AKAP13: variants seen among roughly 807,000 people sequenced by gnomAD.
AKAP13 encodes A-kinase anchor protein 13.
In AKAP13, 80 loss-of-function variants were observed where a neutral mutation model predicts 264.5. The ratio of observed to expected loss-of-function variants is 0.30; its 90% confidence interval spans 0.25 to 0.36. The LOEUF (loss-of-function observed/expected upper bound fraction) is 0.36. Ranked by LOEUF, AKAP13 falls within the 10% of genes least tolerant of loss-of-function variation. The probability of loss-of-function intolerance (pLI) is 1.00; values close to 1 mark genes in which losing one functional copy is unlikely to be tolerated. For missense variants in AKAP13, 3,712 were observed against 3,435.2 expected (o/e 1.08, Z -2.01); for synonymous variants, 1,380 against 1,250.2 (o/e 1.10, Z -2.19).
intron 30 of AKAP13, among the ~76,000 whole-genome samples, chr15:85,732,483 T>C (rs1472836484): frequency 6.7e-6 from 1 of 149,838 alleles, no homozygotes; most frequent in Non-Finnish European, 1.5e-5. Flanking sequence ...ATGTTTTACA[T>C]CATATATAAT....
chr15:85,696,817 G>A (rs2085589178), intron 17 of AKAP13, among the ~76,000 whole-genome samples: 2 of 152,198 alleles, frequency 1.3e-5, no homozygotes, highest in Admixed American at 1.3e-4. Flanking sequence ...AAGATATGCG[G>A]CCTCAGGGTA....
intron 1 of AKAP13, among the ~76,000 whole-genome samples, chr15:85,477,052 C>T (rs1430670945): frequency 6.6e-6 from 1 of 151,974 alleles, no homozygotes; most frequent in Non-Finnish European, 1.5e-5. Context: ...TATGTTTATG[C>T]TTTTCTCTCC....
At chr15:85,677,706 C>T (rs1464732593) in intron 14 of AKAP13, among the ~76,000 whole-genome samples, 31 of 148,902 alleles carry the variant, frequency 2.1e-4, no homozygotes, top group Non-Finnish European at 3.1e-4. Context: ...GGCTGGAGTG[C>T]AGTGGCGCGA....
At chr15:85,510,381 T>G (rs2076377943) in intron 2 of AKAP13, among the ~76,000 whole-genome samples, 1 of 152,222 alleles carries the variant, frequency 6.6e-6, no homozygotes, top group African/African-American at 2.4e-5. Flanking sequence ...AATATAGCAT[T>G]TGTTATATTA....
At chr15:85,699,997 C>T (rs2085817315) in intron 17 of AKAP13, among the ~76,000 whole-genome samples, 1 of 152,178 alleles carries the variant, frequency 6.6e-6, no homozygotes. Flanking sequence ...AGTGGCTGTA[C>T]CTTTCCATGA....
chr15:85,585,660 C>A (rs780300692), intron 7 of AKAP13, 42 bp from the exon 8 acceptor site: 1 of 1,612,148 alleles, frequency 6.2e-7, no homozygotes. Context: ...GCACAGGAAT[C>A]AGTTTTTAAA....
chr15:85,584,177 A>G (rs12906184), intron 7 of AKAP13, among the ~76,000 whole-genome samples: 93,238 of 152,004 alleles, frequency 0.61, 28,772 homozygotes, highest in Middle Eastern at 0.72. Flanking sequence ...GTGAGAAGAC[A>G]TAGGTTTAAC....
chr15:85,722,948 G>C, intron 25 of AKAP13, 124 bp from the exon 26 acceptor site: 1 of 1,302,178 alleles, frequency 7.7e-7, no homozygotes, highest in Non-Finnish European at 1.0e-6. Flanking sequence ...CTGACGTGTT[G>C]GCTTCCCTCT....
At chr15:85,603,668 G>A (rs571760099) in intron 8 of AKAP13, among the ~76,000 whole-genome samples, 1 of 152,112 alleles carries the variant, frequency 6.6e-6, no homozygotes, top group African/African-American at 2.4e-5. Flanking sequence ...TGCCAGCCTC[G>A]CCAGAATCCC....
At chr15:85,656,024 C>T (rs756144090) in intron 11 of AKAP13, among the ~76,000 whole-genome samples, 1 of 151,930 alleles carries the variant, frequency 6.6e-6, no homozygotes, top group Admixed American at 6.6e-5. Context: ...TGTAAAATAC[C>T]TTCATTATTA....
chr15:85,634,612 A>G (rs890189300), intron 8 of AKAP13, among the ~76,000 whole-genome samples: 3 of 152,224 alleles, frequency 2.0e-5, no homozygotes, highest in Non-Finnish European at 4.4e-5. Flanking sequence ...AAAATTAACC[A>G]ATATAAGTTT....
chr15:85,703,343 T>G (rs2086038196), intron 17 of AKAP13, among the ~76,000 whole-genome samples: 1 of 152,246 alleles, frequency 6.6e-6, no homozygotes, highest in Non-Finnish European at 1.5e-5. Context: ...ACTTTCATTT[T>G]ATTTCATTTT....
At position 85,432,904 on chromosome 15, in the gene AKAP13, A is replaced by G. The variant is rs1014866189; in HGVS notation, c.-12+52106A>G. ...TTGTCTGCTATCTCCTTTCTCTGCC[A>G]CCTCCCAGGTATATAGGTGATGGTT... On this transcript the variant is annotated intron_variant, in intron 1 of 36. Coordinates refer to ENST00000394518, the MANE Select transcript of AKAP13 (RefSeq NM_007200.5). Among the ~76,000 whole-genome samples the G allele has an allele frequency of 2.0e-5, 3 of 151,830 alleles. No individual in the cohort carries two copies. The East Asian group carries it at 5.8e-4, about 29-fold the overall frequency.
At chr15:85,493,536 G>A (rs147030146) in intron 2 of AKAP13, among the ~76,000 whole-genome samples, 33 of 152,272 alleles carry the variant, frequency 2.2e-4, no homozygotes, top group Non-Finnish European at 4.1e-4. Flanking sequence ...AAGTACAGCT[G>A]AGTGTGTTTG....
chr15:85,719,342 A>G lies in AKAP13; in HGVS notation c.6252+16A>G, dbSNP rs377115947. The G allele has an allele frequency of 6.0e-5, 97 of 1,613,420 alleles. No individual in the cohort carries two copies. In the East Asian group the frequency reaches 1.7e-3, roughly 29 times the overall value. On this transcript the variant is annotated intron_variant, in intron 23 of 36. Transcript: ENST00000394518. ...TGTAAATCAGGTGAGAATGGGAAGGATCTCAGGTTCTTACATACACTGGGA... is the reference window on the plus strand; with the variant it reads ...TGTAAATCAGGTGAGAATGGGAAGGGTCTCAGGTTCTTACATACACTGGGA...
chr15:85,542,071 G>C (rs964218342), intron 4 of AKAP13, among the ~76,000 whole-genome samples: 1 of 152,246 alleles, frequency 6.6e-6, no homozygotes, highest in South Asian at 2.1e-4. Flanking sequence ...TTCCTAGTTA[G>C]TGCCTCATTA....
intron 8 of AKAP13, among the ~76,000 whole-genome samples, chr15:85,609,124 A>T (rs1323023603): frequency 6.6e-6 from 1 of 152,222 alleles, no homozygotes; most frequent in Admixed American, 6.5e-5. Flanking sequence ...CTTAATGATG[A>T]AAACATTCAA....
At chr15:85,677,445 C>A (rs1277608740) in intron 14 of AKAP13, among the ~76,000 whole-genome samples, 2 of 152,138 alleles carry the variant, frequency 1.3e-5, no homozygotes, top group Non-Finnish European at 2.9e-5. Context: ...TTTTATTTGA[C>A]AATGTAAATT....
chr15:85,637,160 A>G (rs1441310238), intron 8 of AKAP13, among the ~76,000 whole-genome samples: 1 of 152,234 alleles, frequency 6.6e-6, no homozygotes, highest in Non-Finnish European at 1.5e-5. Flanking sequence ...TGCTAGGCTC[A>G]TAAAATGAGC....
Sources: gnomAD v4.1 joint callset for allele counts (sites outside exome capture counted in the v4.1 genomes callset) on GRCh38, gnomAD v4.1.1 for gene constraint, MANE v1.5 for transcripts, NCBI Gene and HGNC (gene_info 2026-07-23, HGNC 2026-07-21) for gene names.